The following RALGPS2 variants were observed in gnomAD, a reference collection of about 807,000 sequenced individuals.
The protein encoded by RALGPS2 is ras-specific guanine nucleotide-releasing factor RalGPS2.
In RALGPS2, 43 loss-of-function variants were observed where a neutral mutation model predicts 86.8. The ratio of observed to expected loss-of-function variants is 0.50; its 90% CI spans 0.39 to 0.64. The LOEUF is 0.64. Ranked by LOEUF, RALGPS2 falls within the 30% of genes least tolerant of loss-of-function variation. The probability of loss-of-function intolerance (pLI) is 0.00; values close to 1 mark genes in which losing one functional copy is unlikely to be tolerated. For missense variants in RALGPS2, 536 were observed against 694.6 expected (o/e 0.77, Z 2.57); for synonymous variants, 243 against 231.3 (o/e 1.05, Z -0.46).
At chr1:178,815,355 G>C (rs1655176046) in intron 6 of RALGPS2, among the ~76,000 whole-genome samples, 1 of 152,056 alleles carries the variant, frequency 6.6e-6, no homozygotes, top group Non-Finnish European at 1.5e-5. Context: ...AAAGTTCTGG[G>C]ATTACAGGTG....
At chr1:178,841,553 G>A (rs1396484296) in intron 8 of RALGPS2, among the ~76,000 whole-genome samples, 6 of 49,362 alleles carry the variant, frequency 1.2e-4, no homozygotes, top group East Asian at 5.1e-4. Context: ...CATACTGAAT[G>A]GGCAAAAACT....
At chr1:178,877,730 A>ACAT in intron 9 of RALGPS2, 95 bp downstream of exon 9, 11 of 1,422,414 alleles carry the variant, frequency 7.7e-6, no homozygotes, top group Non-Finnish European at 9.6e-6. Flanking sequence ...ACAGCAGGGG[A>ACAT]CATCAATTTC....
intron 16 of RALGPS2, among the ~76,000 whole-genome samples, chr1:178,897,055 T>C (rs1659980164): frequency 6.6e-6 from 1 of 152,042 alleles, no homozygotes; most frequent in Non-Finnish European, 1.5e-5. Flanking sequence ...CCACAATGGT[T>C]GAATTAGTTT....
chr1:178,894,889 T>A lies in RALGPS2; in HGVS notation c.1431+865T>A, dbSNP rs148269556. 8.5e-4 allele frequency among the ~76,000 whole-genome samples: 130 copies of A among 152,134 alleles called. 1 individual carries two copies. The Middle Eastern group carries it at 0.024, about 28-fold the overall frequency. Reference sequence around the variant, plus strand: ...TTTCTTAGAGAACCCTGAAAGTATATCATGAAGAAGTATTTTAGTATTAAG... The same window carrying A: ...TTTCTTAGAGAACCCTGAAAGTATAACATGAAGAAGTATTTTAGTATTAAG... On this transcript the variant is annotated intron_variant, in intron 16 of 19. Transcript: ENST00000367635.
At chr1:178,760,602 C>G (rs994406118) in intron 1 of RALGPS2, among the ~76,000 whole-genome samples, 1 of 152,116 alleles carries the variant, frequency 6.6e-6, no homozygotes, top group Admixed American at 6.5e-5. Context: ...AGACAGCAGA[C>G]GGATGGGTCT....
chr1:178,800,708 T>C (rs996291182), intron 4 of RALGPS2, among the ~76,000 whole-genome samples: 1 of 152,142 alleles, frequency 6.6e-6, no homozygotes, highest in Non-Finnish European at 1.5e-5. Context: ...TTTTAAAAGT[T>C]AGATGTGGGT....
chr1:178,849,837 C>T (rs550159084), intron 8 of RALGPS2: 1 of 152,344 alleles, frequency 6.6e-6, no homozygotes, highest in Non-Finnish European at 1.5e-5. Flanking sequence ...TATTCCCATG[C>T]ATAGTTTGCC....
Position 178,827,662 on chromosome 1 carries a change from T to C in RALGPS2, c.481-5762T>C, listed in dbSNP as rs1280142726. Among the ~76,000 whole-genome samples, 3 of 152,138 alleles carry C rather than the reference T, an allele frequency of 2.0e-5. No individual in the cohort carries two copies. The East Asian group carries it at 5.8e-4, about 29-fold the overall frequency. Reference sequence around the variant, plus strand: ...CGCCCGCCTCGGCCTCCCAAAGTGCTGGGATTACAGGCGTGAGCCACCGCG... The same window carrying C: ...CGCCCGCCTCGGCCTCCCAAAGTGCCGGGATTACAGGCGTGAGCCACCGCG... On this transcript the variant is annotated intron_variant, in intron 7 of 19. Coordinates refer to ENST00000367635, the MANE Select transcript of RALGPS2 (RefSeq NM_152663.5).
At position 178,813,025 on chromosome 1, in the gene RALGPS2, C is replaced by T. The variant is rs140851802; in HGVS notation, c.387+1621C>T. Among the ~76,000 whole-genome samples, 895 of 150,688 alleles carry T rather than the reference C, an allele frequency of 5.9e-3. 14 individuals are homozygous for T. The highest frequency in any genetic ancestry group is 0.021 in the African/African-American group (866 of 40,940). ...TCGGCTCACTGCAAACTCTGCCTCCCGAGTTCAAGTGATTCTCACATCTCA... is the reference window on the plus strand; with the variant it reads ...TCGGCTCACTGCAAACTCTGCCTCCTGAGTTCAAGTGATTCTCACATCTCA... On this transcript the variant is annotated intron_variant, in intron 6 of 19. Coordinates refer to ENST00000367635, the MANE Select transcript of RALGPS2 (RefSeq NM_152663.5).
intron 8 of RALGPS2, among the ~76,000 whole-genome samples, chr1:178,851,874 G>A (rs1657196894): frequency 6.6e-6 from 1 of 152,106 alleles, no homozygotes. Flanking sequence ...ACAGGGATGG[G>A]GGAGAATTGT....
At position 178,868,744 on chromosome 1, in the gene RALGPS2, T is replaced by C. The variant is rs113404105; in HGVS notation, c.608-8754T>C. ...CTATAAGATTAAATCATAAGATAAA[T>C]CACTGTTTACCATAAGAGAAAGTGG... On this transcript the variant is annotated intron_variant, in intron 8 of 19. Transcript: ENST00000367635. Among the ~76,000 whole-genome samples, 194 of 152,042 alleles carry C rather than the reference T, an allele frequency of 1.3e-3. 2 individuals carry two copies. The highest frequency in any genetic ancestry group is 4.3e-3 in the African/African-American group (178 of 41,546).
chr1:178,780,221 A>C (rs1653323165), intron 2 of RALGPS2, among the ~76,000 whole-genome samples: 1 of 152,202 alleles, frequency 6.6e-6, no homozygotes, highest in Non-Finnish European at 1.5e-5. Context: ...AGGATCACAC[A>C]GGGTTGAGAA....
chr1:178,784,056 T>A (rs986087585), intron 2 of RALGPS2, among the ~76,000 whole-genome samples: 1 of 152,174 alleles, frequency 6.6e-6, no homozygotes, highest in African/African-American at 2.4e-5. Context: ...AAAATTAGTT[T>A]AAAAAATTGT....
intron 2 of RALGPS2, among the ~76,000 whole-genome samples, chr1:178,778,971 CTCTT>C (rs1032777519): frequency 3.3e-5 from 5 of 152,070 alleles, no homozygotes; most frequent in African/African-American, 4.8e-5. Flanking sequence ...ACTCATAAAA[CTCTT>C]TATTTTTAAA....
intron 6 of RALGPS2, among the ~76,000 whole-genome samples, chr1:178,812,164 TAAATATCTTCTTCAC>T (rs1242933556): frequency 6.6e-6 from 1 of 152,050 alleles, no homozygotes; most frequent in African/African-American, 2.4e-5. Context: ...GGTTGATGCT[TAAATATCTTCTTCAC>T]TGGGGAGAGG....
At chr1:178,866,753 T>G (rs1416140302) in intron 8 of RALGPS2, among the ~76,000 whole-genome samples, 2 of 152,176 alleles carry the variant, frequency 1.3e-5, no homozygotes, top group African/African-American at 4.8e-5. Context: ...TAGATCGGAT[T>G]CTCTGACCCA....
intron 10 of RALGPS2, chr1:178,879,485 G>A (rs1377714633): frequency 6.6e-6 from 1 of 152,312 alleles, no homozygotes; most frequent in Non-Finnish European, 1.5e-5. Context: ...CTGTATTATA[G>A]CAAGTTCTTT....
rs1218905216 is a variant in RALGPS2, at chr1:178,879,265, C to T, written c.836+273C>T. 2.3e-5 allele frequency: 6 copies of T among 257,126 alleles called. No individual in the cohort carries two copies. In the Admixed American group the frequency reaches 2.8e-4, roughly 12 times the overall value. The allele number at this position is 257,126 out of a possible 1,614,324, so 15.9% of individuals were successfully genotyped here. On this transcript the variant is annotated intron_variant, in intron 10 of 19. Transcript: ENST00000367635. Reference sequence around the variant, plus strand: ...CTAATTTAAATTTCTTCCTTTCCCCCATATTCAATCATTGAATCCTTATAG... The same window carrying T: ...CTAATTTAAATTTCTTCCTTTCCCCTATATTCAATCATTGAATCCTTATAG...
chr1:178,897,535 A>G (rs1660001381), intron 16 of RALGPS2, 129 bp from the exon 17 acceptor site: 1 of 693,102 alleles, frequency 1.4e-6, no homozygotes, highest in Non-Finnish European at 2.5e-6. Flanking sequence ...TTCAGAAGTG[A>G]TACAGCTCAA....
Sources: allele counts gnomAD v4.1 joint callset (sites outside exome capture counted in the v4.1 genomes callset), GRCh38; gene constraint gnomAD v4.1.1; transcripts MANE v1.5; gene names NCBI Gene and HGNC (gene_info 2026-07-23, HGNC 2026-07-21).